TRIM26: variants seen among roughly 807,000 people sequenced by gnomAD.
The protein encoded by TRIM26 is tripartite motif containing 26.
In TRIM26, 16 loss-of-function variants were observed where a neutral mutation model predicts 45.5. That is an observed-to-expected ratio of 0.35 (90% CI 0.24 to 0.53). The LOEUF is 0.53. Among genes scored for constraint, TRIM26 ranks in the 20% least tolerant of loss-of-function variants. The probability of loss-of-function intolerance (pLI) is 0.92; values close to 1 mark genes in which losing one functional copy is unlikely to be tolerated. For missense variants in TRIM26, 442 were observed against 691.1 expected, an observed-to-expected ratio of 0.64 and a Z score of 4.04; for synonymous variants, 273 against 290.4, an observed-to-expected ratio of 0.94 and a Z score of 0.61.
At chr6:30,201,802 C>T (rs1475047924) in intron 2 of TRIM26, among the ~76,000 whole-genome samples, 1 of 151,244 alleles carries the variant, frequency 6.6e-6, no homozygotes, top group Non-Finnish European at 1.5e-5. Flanking sequence ...GAGCCGAGAT[C>T]GTGCCATTGC....
At chr6:30,211,695 A>G (rs534952743) in intron 1 of TRIM26, among the ~76,000 whole-genome samples, 68 of 152,352 alleles carry the variant, frequency 4.5e-4, no homozygotes, top group Non-Finnish European at 7.8e-4. Flanking sequence ...TAAAAATACT[A>G]TGAAAGAGCA....
chr6:30,193,302 C>T (rs1776137609), intron 6 of TRIM26, among the ~76,000 whole-genome samples: 1 of 149,590 alleles, frequency 6.7e-6, no homozygotes. Flanking sequence ...CTGCCTCAGC[C>T]TCCCGAGTAG....
In TRIM26 at chr6:30,190,282, C is replaced by T. The variant is rs924613319; in HGVS notation, c.766-247G>A. The T allele has an allele frequency of 2.2e-5, 13 of 586,478 alleles. No individual in the cohort carries two copies. The highest frequency in any genetic ancestry group is 5.6e-5 in the East Asian group (2 of 35,586). The allele number at this position is 586,478 out of a possible 1,614,324, so 36.3% of individuals were successfully genotyped here. On this transcript the variant is annotated intron_variant, in intron 6 of 9. Transcript: ENST00000454678. This position sits in a 1 kb window ranked among gnomAD's most constrained non-coding sequence, Gnocchi z 4.3. ...GGGCAACCTCTCTGGGAGATACCTG[C>T]GCAGAGAATTGACGGATAAGAAGTA...
intron 2 of TRIM26, among the ~76,000 whole-genome samples, chr6:30,202,749 G>A (rs763496938): frequency 1.2e-4 from 18 of 152,140 alleles, no homozygotes; most frequent in Non-Finnish European, 2.2e-4. Context: ...AAAAAGTACC[G>A]ATGGAGGAAT....
At position 30,196,437 on chromosome 6, in the gene TRIM26, C is replaced by T; in HGVS notation, c.765+79G>A. The T allele has an allele frequency of 7.0e-7, 1 of 1,434,578 alleles. No homozygotes were observed. The highest frequency in any genetic ancestry group is 1.2e-5 in the South Asian group (1 of 82,128). 88.9% of individuals were successfully genotyped at this position (1,434,578 alleles called of 1,614,324 possible). A position where few individuals can be genotyped will look rare whatever the true frequency, so the allele number is the denominator to read the frequency against. On this transcript the variant is annotated intron_variant, in intron 6 of 9. Coordinates refer to ENST00000454678, the MANE Select transcript of TRIM26 (RefSeq NM_003449.5). This position sits in a 1 kb window ranked among gnomAD's most constrained non-coding sequence, Gnocchi z 4.9. Reference sequence around the variant, plus strand: ...TGACAAAACTGAGCCCCCAAGTCTTCTAAGGTCCTGCAAGTGAATGGCAGG... The same window carrying T: ...TGACAAAACTGAGCCCCCAAGTCTTTTAAGGTCCTGCAAGTGAATGGCAGG...
At position 30,204,745 on chromosome 6, in the gene TRIM26, C is replaced by T. The variant is rs1777550575; in HGVS notation, c.-355G>A. 6.6e-6 allele frequency: 1 copy of T among 151,992 alleles called. No homozygotes were observed. Among genetic ancestry groups the T allele is most frequent in the Non-Finnish European group, 1.5e-5 (1 of 68,056 alleles). 9.4% of individuals were successfully genotyped at this position (151,992 alleles called of 1,614,324 possible). A position where few individuals can be genotyped will look rare whatever the true frequency, so the allele number is the denominator to read the frequency against. ...CCACAATAAGAGGTAAAACCATTAC[C>T]CTTCTCTCCATTCCTGACTCCTGGG... On this transcript the variant is annotated 5_prime_UTR_variant, in exon 2 of 10. Transcript: ENST00000454678.
chr6:30,186,822 CA>C lies in TRIM26; in HGVS notation c.938-265del. 1 of 1,063,486 alleles carries C rather than the reference CA, an allele frequency of 9.4e-7. No homozygotes were observed. Among genetic ancestry groups the C allele is most frequent in the Non-Finnish European group, 1.4e-6 (1 of 696,832 alleles). The allele number at this position is 1,063,486 out of a possible 1,614,324, so 65.9% of individuals were successfully genotyped here. ...ACTGTTTTCGCTTACGCTCTGATTC[CA>C]AACAAAACTTTTCATAAGCTTCCTC... On this transcript the variant is annotated intron_variant, in intron 9 of 9. Coordinates refer to ENST00000454678, the MANE Select transcript of TRIM26 (RefSeq NM_003449.5). The surrounding 1 kb of genome is among the most constrained non-coding windows in gnomAD (Gnocchi z 7.4).
In TRIM26 at chr6:30,189,028, G is replaced by A; in HGVS notation, c.937+139C>T. The A allele has an allele frequency of 1.1e-6, 1 of 888,382 alleles. No homozygotes were observed. The highest frequency in any genetic ancestry group is 1.8e-6 in the Non-Finnish European group (1 of 567,796). 55.0% of individuals were successfully genotyped at this position (888,382 alleles called of 1,614,324 possible). A position where few individuals can be genotyped will look rare whatever the true frequency, so the allele number is the denominator to read the frequency against. On this transcript the variant is annotated intron_variant, in intron 9 of 9. Transcript: ENST00000454678. The surrounding 1 kb of genome is among the most constrained non-coding windows in gnomAD (Gnocchi z 5.0). Reference sequence around the variant, plus strand: ...CTGATTAGAAAGTGCAAAGAGGGAGGGGGGCTTCTATTGTGCAGCTGGGAA... The same window carrying A: ...CTGATTAGAAAGTGCAAAGAGGGAGAGGGGCTTCTATTGTGCAGCTGGGAA...
At position 30,189,207 on chromosome 6, in the gene TRIM26, G is replaced by A. The variant is rs371327723; in HGVS notation, c.905-8C>T. The A allele has an allele frequency of 1.2e-6, 2 of 1,612,780 alleles. No homozygotes were observed. The highest frequency in any genetic ancestry group is 2.7e-5 in the African/African-American group (2 of 74,888). On this transcript the variant is annotated splice_region_variant and splice_polypyrimidine_tract_variant and intron_variant, in intron 8 of 9. Coordinates refer to ENST00000454678, the MANE Select transcript of TRIM26 (RefSeq NM_003449.5). The surrounding 1 kb of genome is among the most constrained non-coding windows in gnomAD (Gnocchi z 5.0). Reference sequence around the variant, plus strand: ...AGTCTCTCAGCAGCTTCCCTGGGGAGAAAAAAGGACAGCAATGACTCAAGT... The same window carrying A: ...AGTCTCTCAGCAGCTTCCCTGGGGAAAAAAAAGGACAGCAATGACTCAAGT...
At position 30,198,486 on chromosome 6, in the gene TRIM26, G is replaced by A. The variant is rs1325594929; in HGVS notation, c.477C>T (p.Asp159=). 2 of 1,613,048 alleles carry A rather than the reference G, an allele frequency of 1.2e-6. No homozygotes were observed. Among genetic ancestry groups the A allele is most frequent in the Non-Finnish European group, 1.7e-6 (2 of 1,180,024 alleles). ...ILNHLSTLRR[D]RDKIQGFQAK... Reference sequence around the variant, plus strand: ...CCTGGAAGCCCTGAATTTTGTCTCTGTCCCTCCTTAGGGTACTCAGGTGGT... The same window carrying A: ...CCTGGAAGCCCTGAATTTTGTCTCTATCCCTCCTTAGGGTACTCAGGTGGT... Residue 159 remains aspartate, a synonymous_variant, in exon 5 of 10, where the codon GAC becomes GAT. Transcript: ENST00000454678. This position sits in a 1 kb window ranked among gnomAD's most constrained non-coding sequence, Gnocchi z 6.3.
At position 30,196,572 on chromosome 6, in the gene TRIM26, G is replaced by C; in HGVS notation, c.709C>G (p.Leu237Val). 6.2e-7 allele frequency: 1 copy of C among 1,612,350 alleles called. No homozygotes were observed. Among genetic ancestry groups the C allele is most frequent in the Non-Finnish European group, 8.5e-7 (1 of 1,180,036 alleles). ...RGVGELARLA[L>V]VISELEGKAQ... Reference sequence around the variant, plus strand: ...TTGCCCTCCAGTTCGGAGATGACCAGGGCCAGCCGGGCAAGCTCCCCGACG... The same window carrying C: ...TTGCCCTCCAGTTCGGAGATGACCACGGCCAGCCGGGCAAGCTCCCCGACG... The change falls in exon 6 of 10, where the codon CTG becomes GTG. Residue 237 changes from leucine to valine, a missense_variant. Transcript: ENST00000454678. The surrounding 1 kb of genome is among the most constrained non-coding windows in gnomAD (Gnocchi z 4.9).
intron 9 of TRIM26, among the ~76,000 whole-genome samples, chr6:30,188,816 G>A (rs1470119386): frequency 6.6e-6 from 1 of 152,158 alleles, no homozygotes; most frequent in Non-Finnish European, 1.5e-5. Context: ...ATGGCCTCTG[G>A]TCTTAGGTTG....
intron 1 of TRIM26, among the ~76,000 whole-genome samples, chr6:30,206,242 G>A (rs920093798): frequency 6.6e-6 from 1 of 152,270 alleles, no homozygotes; most frequent in Non-Finnish European, 1.5e-5. Context: ...AGGAGTGACT[G>A]CACCCCTACT....
At position 30,186,007 on chromosome 6, in the gene TRIM26, C is replaced by A; in HGVS notation, c.1489G>T (p.Gly497Trp). ...GCGTTGGTGAAAGTCACGGTGCCCC[C>A]TTCATAATCCAGGGCGATGCCCACT... The part of the protein sequence containing the change: ...RRVGIALDYE[G>W]GTVTFTNAES... The change falls in exon 10 of 10, where the codon GGG becomes TGG. Residue 497 changes from glycine to tryptophan, a missense_variant. Gly to Trp is a radical substitution (Grantham distance 184). Coordinates refer to ENST00000454678, the MANE Select transcript of TRIM26 (RefSeq NM_003449.5). The surrounding 1 kb of genome is among the most constrained non-coding windows in gnomAD (Gnocchi z 7.4). 1 of 1,611,442 alleles carries A rather than the reference C, an allele frequency of 6.2e-7. No individual in the cohort carries two copies. Among genetic ancestry groups the A allele is most frequent in the Non-Finnish European group, 8.5e-7 (1 of 1,179,326 alleles).
Position 30,196,543 on chromosome 6 carries a change from C to T in TRIM26, c.738G>A (p.Ala246=), listed in dbSNP as rs765012397. 9.9e-6 allele frequency: 16 copies of T among 1,609,846 alleles called. No individual in the cohort carries two copies. Among genetic ancestry groups the T allele is most frequent in the East Asian group, 8.9e-5 (4 of 44,868 alleles). ...ALVISELEGK[A]QQPAAELMQD... ...GCATGAGCTCTGCAGCTGGCTGCTG[C>T]GCCTTGCCCTCCAGTTCGGAGATGA... Residue 246 remains alanine, a synonymous_variant, in exon 6 of 10, where the codon GCG becomes GCA. Coordinates refer to ENST00000454678, the MANE Select transcript of TRIM26 (RefSeq NM_003449.5). This position sits in a 1 kb window ranked among gnomAD's most constrained non-coding sequence, Gnocchi z 4.9.
Position 30,189,451 on chromosome 6 carries a change from G to T in TRIM26, c.871C>A (p.Leu291Ile), listed in dbSNP as rs767470786. 3.7e-6 allele frequency: 6 copies of T among 1,613,028 alleles called. No individual in the cohort carries two copies. Among genetic ancestry groups the T allele is most frequent in the Non-Finnish European group, 5.1e-6 (6 of 1,180,022 alleles). Residue 291 changes from leucine (L) to isoleucine (I), a missense_variant, in exon 8 of 10, where the codon CTC becomes ATC. By Grantham distance (5) the Leu-to-Ile change is conservative. Coordinates refer to ENST00000454678, the MANE Select transcript of TRIM26 (RefSeq NM_003449.5). This position sits in a 1 kb window ranked among gnomAD's most constrained non-coding sequence, Gnocchi z 5.0. ...TCCCTCAGGCCTCGTTGCAGAGAGA[G>T]GAGTTTATCTGAGAATTCTCCGGTC... ...KKTGEFSDKL[L>I]SLQRGLREFQ...
rs1440294035 is a variant in TRIM26 at position 30,185,845 on chromosome 6, G to GA, written c.*30dup. On this transcript the variant is annotated 3_prime_UTR_variant, in exon 10 of 10. Coordinates refer to ENST00000454678, the MANE Select transcript of TRIM26 (RefSeq NM_003449.5). The surrounding 1 kb of genome is among the most constrained non-coding windows in gnomAD (Gnocchi z 5.7). ...GGAATTCCAAAGAAGTGAAGCATCT[G>GA]AGGGTTGGGGCTGGGGGCAGATGTC... 6.3e-7 allele frequency: 1 copy of GA among 1,585,934 alleles called. No homozygotes were observed.
chr6:30,204,341 A>G (rs1777501914), intron 2 of TRIM26, among the ~76,000 whole-genome samples: 1 of 152,232 alleles, frequency 6.6e-6, no homozygotes, highest in Non-Finnish European at 1.5e-5. Flanking sequence ...AGATGAGGTC[A>G]TCTACATGGA....
chr6:30,190,246 G>A lies in TRIM26; in HGVS notation c.766-211C>T. On this transcript the variant is annotated intron_variant, in intron 6 of 9. Coordinates refer to ENST00000454678, the MANE Select transcript of TRIM26 (RefSeq NM_003449.5). This position sits in a 1 kb window ranked among gnomAD's most constrained non-coding sequence, Gnocchi z 4.3. The stretch of plus-strand genomic sequence containing the variant: ...ACAATGACAGAAGCCACAATGGCTG[G>A]GAGATGACATGGGCAACCTCTCTGG... 3.2e-6 allele frequency: 2 copies of A among 617,992 alleles called. No individual in the cohort carries two copies. Among genetic ancestry groups the A allele is most frequent in the South Asian group, 2.0e-5 (1 of 51,186 alleles). The allele number at this position is 617,992 out of a possible 1,614,324, so 38.3% of individuals were successfully genotyped here.
Sources: allele counts gnomAD v4.1 joint callset (sites outside exome capture counted in the v4.1 genomes callset), GRCh38; gene constraint gnomAD v4.1.1; non-coding constraint Gnocchi (gnomAD v3.1); transcripts MANE v1.5; gene names NCBI Gene and HGNC (gene_info 2026-07-23, HGNC 2026-07-21).